The following FGF12 variants were observed in gnomAD, a reference collection of about 807,000 sequenced individuals.
FGF12 encodes fibroblast growth factor 12, also known as fibroblast growth factor 12B.
A neutral mutation model predicts 23.6 loss-of-function variants in FGF12; 14 were observed. The ratio of observed to expected loss-of-function variants is 0.59; its 90% CI spans 0.39 to 0.93. The LOEUF is 0.93. Ranked by LOEUF, FGF12 falls within the 40% of genes least tolerant of loss-of-function variation. The pLI, the probability that FGF12 is intolerant of heterozygous loss-of-function variation, is 0.00. For missense variants in FGF12, 175 were observed against 217.8 expected (o/e 0.80, Z 1.24); for synonymous variants, 62 against 77.3 (o/e 0.80, Z 1.04).
chr3:192,242,592 C>T (rs1474349608), intron 4 of FGF12, among the ~76,000 whole-genome samples: 1 of 151,930 alleles, frequency 6.6e-6, no homozygotes, highest in Middle Eastern at 3.4e-3. Context: ...ATAAACTCTA[C>T]AAATTAATAT....
intron 3 of FGF12, among the ~76,000 whole-genome samples, chr3:192,352,637 C>T (rs769942583): frequency 6.6e-6 from 1 of 152,134 alleles, no homozygotes; most frequent in Non-Finnish European, 1.5e-5. Flanking sequence ...GGTCTCTCAT[C>T]CCTGTTGATG....
At chr3:192,496,997 T>A (rs1199302997) in intron 2 of FGF12, among the ~76,000 whole-genome samples, 2 of 152,222 alleles carry the variant, frequency 1.3e-5, no homozygotes. Flanking sequence ...TGGTCCTAAA[T>A]ACCATCATCT....
chr3:192,549,157 T>A (rs917308325), intron 2 of FGF12, among the ~76,000 whole-genome samples: 3 of 152,186 alleles, frequency 2.0e-5, no homozygotes, highest in African/African-American at 7.2e-5. Context: ...AGATTTTAAC[T>A]CCTAGTAGGC....
At chr3:192,641,705 C>T (rs1229432018) in intron 2 of FGF12, among the ~76,000 whole-genome samples, 4 of 152,070 alleles carry the variant, frequency 2.6e-5, no homozygotes, top group South Asian at 2.1e-4. Flanking sequence ...AGTGCCTGGC[C>T]GGCCTTTCAC....
intron 2 of FGF12, among the ~76,000 whole-genome samples, chr3:192,440,609 T>C (rs1722175426): frequency 1.3e-5 from 2 of 152,202 alleles, no homozygotes; most frequent in African/African-American, 4.8e-5. Context: ...CCCTCCGCTT[T>C]TTCCTAGCTA....
At chr3:192,611,368 T>C (rs1479780785) in intron 2 of FGF12, among the ~76,000 whole-genome samples, 2 of 152,056 alleles carry the variant, frequency 1.3e-5, no homozygotes, top group African/African-American at 2.4e-5. Context: ...AGGGATTGTC[T>C]TTTTAATTTT....
rs76841739 is a variant in FGF12 at position 192,652,546 on chromosome 3, G to C, written c.13+74635C>G. Among the ~76,000 whole-genome samples, 812 of 152,294 alleles carry C rather than the reference G, an allele frequency of 5.3e-3. 7 individuals carry two copies. The highest frequency in any genetic ancestry group is 0.017 in the African/African-American group (718 of 41,556). On this transcript the variant is annotated intron_variant, in intron 2 of 5. Coordinates refer to ENST00000445105, the MANE Select transcript of FGF12 (RefSeq NM_004113.6). ...CACAGAGGATGTTTACTTGCTCTTG[G>C]CTTCGGAATATCCTTAAGAACGGTT...
At position 192,685,639 on chromosome 3, in the gene FGF12, C is replaced by T. The variant is rs188897034; in HGVS notation, c.13+41542G>A. Among the ~76,000 whole-genome samples, 13 of 151,702 alleles carry T rather than the reference C, an allele frequency of 8.6e-5. No homozygotes were observed. In the South Asian group the frequency reaches 1.0e-3, roughly 12 times the overall value. ...AAGGAGGTGACAGCAGGTACCAGCA[C>T]GGAGGAGAGTATAAATAGATAGCAG... On this transcript the variant is annotated intron_variant, in intron 2 of 5. Transcript: ENST00000445105.
chr3:192,142,430 C>T lies in FGF12; in HGVS notation c.*1579G>A, dbSNP rs1377834507. On this transcript the variant is annotated 3_prime_UTR_variant, in exon 6 of 6. Coordinates refer to ENST00000445105, the MANE Select transcript of FGF12 (RefSeq NM_004113.6). Reference sequence around the variant, plus strand: ...GACAGTAGAGATATAGGAGAAGTTACATGCTATGTCTTCTCATTGATAATA... The same window carrying T: ...GACAGTAGAGATATAGGAGAAGTTATATGCTATGTCTTCTCATTGATAATA... 1 of 152,414 alleles carries T rather than the reference C, an allele frequency of 6.6e-6. No individual in the cohort carries two copies. The highest frequency in any genetic ancestry group is 6.6e-5 in the Admixed American group (1 of 15,238). The allele number at this position is 152,414 out of a possible 1,614,324, so 9.4% of individuals were successfully genotyped here.
At chr3:192,709,514 G>A (rs184013790) in intron 2 of FGF12, among the ~76,000 whole-genome samples, 1 of 152,304 alleles carries the variant, frequency 6.6e-6, no homozygotes, top group African/African-American at 2.4e-5. Context: ...ATATAATTTA[G>A]TGGAAAGTAT....
intron 4 of FGF12, among the ~76,000 whole-genome samples, chr3:192,233,883 T>C (rs1040983123): frequency 3.9e-5 from 6 of 152,136 alleles, no homozygotes; most frequent in African/African-American, 1.4e-4. Context: ...CCGGGTTATC[T>C]AATATTGGTC....
chr3:192,323,906 CACAGTGAAAT>C (rs1240428583), intron 4 of FGF12, among the ~76,000 whole-genome samples: 1 of 151,926 alleles, frequency 6.6e-6, no homozygotes, highest in African/African-American at 2.4e-5. Context: ...GCCTGCGCAA[CACAGTGAAAT>C]ACCATCTCTA....
intron 2 of FGF12, among the ~76,000 whole-genome samples, chr3:192,520,158 A>G (rs1398532671): frequency 2.0e-4 from 30 of 152,194 alleles, no homozygotes; most frequent in Admixed American, 1.9e-3. Context: ...ATACACATAC[A>G]CGTACATCAT....
At chr3:192,212,163 C>T (rs1479274719) in intron 4 of FGF12, among the ~76,000 whole-genome samples, 1 of 152,220 alleles carries the variant, frequency 6.6e-6, no homozygotes, top group Non-Finnish European at 1.5e-5. Flanking sequence ...AAGTTGATTG[C>T]TCTTCCAATC....
chr3:192,358,831 T>A (rs1718593750), intron 3 of FGF12, among the ~76,000 whole-genome samples: 1 of 152,198 alleles, frequency 6.6e-6, no homozygotes, highest in Non-Finnish European at 1.5e-5. Flanking sequence ...TTTTCAATTT[T>A]TTTTAAAGTT....
chr3:192,476,453 C>CACA (rs1310885958), intron 2 of FGF12, among the ~76,000 whole-genome samples: 1 of 152,162 alleles, frequency 6.6e-6, no homozygotes, highest in Non-Finnish European at 1.5e-5. Context: ...ATCATTTTAC[C>CACA]ACAACATATG....
intron 4 of FGF12, among the ~76,000 whole-genome samples, chr3:192,288,773 T>C (rs1714600904): frequency 6.6e-6 from 1 of 152,128 alleles, no homozygotes; most frequent in African/African-American, 2.4e-5. Flanking sequence ...CCAAGGAACA[T>C]GGGACCTGGT....
In FGF12 at chr3:192,212,694, T is replaced by C. The variant is rs569789025; in HGVS notation, c.229-42038A>G. On this transcript the variant is annotated intron_variant, in intron 4 of 5. Transcript: ENST00000445105. ...CTCAAAGCAGTTTCAGGATTTGTCA[T>C]TTAACAGTCATAAATAATGTGCCTC... 6.6e-5 allele frequency among the ~76,000 whole-genome samples: 10 copies of C among 152,038 alleles called. No individual in the cohort carries two copies. In the South Asian group the frequency reaches 1.5e-3, roughly 22 times the overall value.
At chr3:192,250,062 C>T (rs1001375793) in intron 4 of FGF12, among the ~76,000 whole-genome samples, 9 of 152,166 alleles carry the variant, frequency 5.9e-5, no homozygotes, top group Non-Finnish European at 1.0e-4. Flanking sequence ...TTCATTTATA[C>T]AGTCAACTCC....
Sources: gnomAD v4.1 joint callset for allele counts (sites outside exome capture counted in the v4.1 genomes callset) on GRCh38, gnomAD v4.1.1 for gene constraint, MANE v1.5 for transcripts, NCBI Gene and HGNC (gene_info 2026-07-23, HGNC 2026-07-21) for gene names.